SUN1: variants seen among roughly 807,000 people sequenced by gnomAD.
The protein encoded by SUN1 is SUN domain-containing protein 1.
SUN1 carries 61 observed loss-of-function variants against 103.2 expected under a neutral mutation model. The ratio of observed to expected loss-of-function variants is 0.59; its 90% CI spans 0.48 to 0.73. The LOEUF is 0.73. SUN1 is among the 30% of genes least tolerant of loss of function. The pLI, the probability that SUN1 is intolerant of heterozygous loss-of-function variation, is 0.00. For missense variants in SUN1, 1,052 were observed against 1,034.6 expected, an observed-to-expected ratio of 1.02 and a Z score of -0.23; for synonymous variants, 490 against 425.7, an observed-to-expected ratio of 1.15 and a Z score of -1.86.
At position 832,544 on chromosome 7, in the gene SUN1, A is replaced by T; in HGVS notation, c.20A>T (p.His7Leu). The change falls in exon 1 of 19, where the codon CAC becomes CTC. Residue 7 changes from histidine (H) to leucine (L), a missense_variant. His to Leu is a moderately conservative substitution (Grantham distance 99). Around this residue, in one of 2 missense-constraint regions of SUN1, gnomAD observed 846 missense variants for 774.5 expected, o/e 1.09. Transcript: ENST00000401592. MDFSRL[H>L]MYSPPQCVPE... The stretch of plus-strand genomic sequence containing the variant: ...GTGAACATGGATTTTTCTCGGCTTC[A>T]CATGTACAGTCCTCCCCAGTGTGTG... The T allele has an allele frequency of 6.2e-7, 1 of 1,613,480 alleles. No homozygotes were observed. The highest frequency in any genetic ancestry group is 8.5e-7 in the Non-Finnish European group (1 of 1,179,692).
At chr7:843,156 A>G in intron 3 of SUN1, 50 bp from the exon 4 acceptor site, 1 of 1,594,734 alleles carries the variant, frequency 6.3e-7, no homozygotes. Flanking sequence ...TTATTTGATA[A>G]GCTGAGCTCA....
upstream of SUN1, chr7:830,943 G>C (rs570234105): frequency 3.3e-5 from 33 of 985,416 alleles, no homozygotes; most frequent in Non-Finnish European, 4.0e-5. Flanking sequence ...GCAGGCCTGC[G>C]CACCTCAGGA....
At chr7:844,913 G>A (rs139293634) in intron 5 of SUN1, among the ~76,000 whole-genome samples, 3 of 152,252 alleles carry the variant, frequency 2.0e-5, no homozygotes, top group South Asian at 2.1e-4. Context: ...CCAGGGCCCC[G>A]GGGGTGCTGC....
chr7:841,027 A>G (rs1291725193), intron 2 of SUN1, among the ~76,000 whole-genome samples: 1 of 144,006 alleles, frequency 6.9e-6, no homozygotes, highest in Non-Finnish European at 1.5e-5. Flanking sequence ...TCTGCCTTCC[A>G]GGTTCAAGCG....
At chr7:832,284 A>G (rs561018800), upstream of SUN1, among the ~76,000 whole-genome samples, 3 of 152,264 alleles carry the variant, frequency 2.0e-5, no homozygotes, top group Non-Finnish European at 2.9e-5. Flanking sequence ...TTCTCAGGAT[A>G]TATGAGGGGA....
In SUN1 at chr7:819,709, C is replaced by CTTT. The variant is rs60712364; in HGVS notation, c.-74+3051_-74+3053dup. Among the ~76,000 whole-genome samples the CTTT allele has an allele frequency of 3.5e-3, 453 of 130,558 alleles. 10 individuals are homozygous for CTTT. Among genetic ancestry groups the CTTT allele is most frequent in the African/African-American group, 8.6e-3 (297 of 34,442 alleles). 85.7% of individuals were successfully genotyped at this position (130,558 alleles called of 152,430 possible). A position where few individuals can be genotyped will look rare whatever the true frequency, so the allele number is the denominator to read the frequency against. On this transcript the variant is annotated intron_variant, in intron 1 of 17. Transcript: ENST00000389574. ...TGTATGTTTTTATGCCAATGCCACC[C>CTTT]TTTTTTTTTTTTTTTTTGAGATGGA...
chr7:831,008 C>T, upstream of SUN1: 1 of 985,466 alleles, frequency 1.0e-6, no homozygotes, highest in African/African-American at 1.7e-5. Context: ...AGGCCAAGGC[C>T]CTGTCCTGTG....
In SUN1 at chr7:853,099, C is replaced by G. The variant is rs1823803611; in HGVS notation, c.1053+147C>G. On this transcript the variant is annotated intron_variant, in intron 9 of 18. Transcript: ENST00000401592. ...TCAGATAAGCAAGTCTTTGGAGCTC[C>G]TTAAGTGTTCTAGGATAGTTCAAAT... The G allele has an allele frequency of 8.3e-6, 9 of 1,086,862 alleles. No individual in the cohort carries two copies. The East Asian group carries it at 2.3e-4, about 28-fold the overall frequency. The allele number at this position is 1,086,862 out of a possible 1,614,324, so 67.3% of individuals were successfully genotyped here.
chr7:835,099 T>G (rs1801735841), intron 1 of SUN1, among the ~76,000 whole-genome samples: 1 of 152,184 alleles, frequency 6.6e-6, no homozygotes, highest in Non-Finnish European at 1.5e-5. Context: ...AATAAAATTT[T>G]TTTTCTCTTT....
At position 838,899 on chromosome 7, in the gene SUN1, C is replaced by T. The variant is rs112200342; in HGVS notation, c.179C>T (p.Thr60Met). ...RMSRRSLRLA[T>M]TACTLGDGEA... ...TCCCGCCGTAGTTTGCGCCTGGCCA[C>T]GACAGCATGCACCCTGGGGGATGGT... The change falls in exon 2 of 19, where the codon ACG becomes ATG. Residue 60 changes from threonine (T) to methionine (M), a missense_variant. Around this residue, in one of 2 missense-constraint regions of SUN1, gnomAD observed 846 missense variants for 774.5 expected, o/e 1.09. Coordinates refer to ENST00000401592, the MANE Select transcript of SUN1 (RefSeq NM_001130965.3). 158 of 1,610,640 alleles carry T rather than the reference C, an allele frequency of 9.8e-5. No homozygotes were observed. The African/African-American group carries it at 1.2e-3, about 12-fold the overall frequency.
At chr7:824,033 GTCTT>G (rs1391504400) in intron 1 of SUN1, among the ~76,000 whole-genome samples, 2 of 152,234 alleles carry the variant, frequency 1.3e-5, no homozygotes, top group East Asian at 1.9e-4. Context: ...CTTAGGGAAA[GTCTT>G]TCTAAGAAGT....
chr7:850,341 G>C, intron 5 of SUN1: 1 of 339,368 alleles, frequency 2.9e-6, no homozygotes, highest in South Asian at 3.2e-5. Context: ...TGGGACTACA[G>C]GCGCACACCA....
chr7:853,646 A>T (rs780818883), intron 10 of SUN1, 28 bp downstream of exon 10: 14 of 1,594,960 alleles, frequency 8.8e-6, no homozygotes, highest in Non-Finnish European at 1.2e-5. Flanking sequence ...ACCAGGCTCC[A>T]TGGTGACACC....
At chr7:854,323 C>G (rs1825113041) in intron 10 of SUN1, among the ~76,000 whole-genome samples, 2 of 152,232 alleles carry the variant, frequency 1.3e-5, no homozygotes, top group Admixed American at 1.3e-4. Context: ...ACGCTCAGCC[C>G]CCGAGCCTCT....
intron 16 of SUN1, 145 bp from the exon 17 acceptor site, chr7:869,204 C>A: frequency 2.0e-6 from 2 of 1,009,436 alleles, no homozygotes; most frequent in Non-Finnish European, 2.9e-6. Context: ...ATGCCTTTCC[C>A]AGCTTATCTT....
At chr7:851,264 C>G (rs1821840772) in intron 5 of SUN1, 120 bp from the exon 6 acceptor site, 7 of 778,594 alleles carry the variant, frequency 9.0e-6, no homozygotes, top group Admixed American at 7.2e-5. Context: ...TTTGAGGAGA[C>G]TCTTGACCCA....
chr7:838,878 G>A lies in SUN1; in HGVS notation c.158G>A (p.Arg53His), dbSNP rs1404378845. Residue 53 changes from arginine to histidine, a missense_variant, in exon 2 of 19, where the codon CGC becomes CAC. Physicochemically the swap from Arg to His is conservative, Grantham distance 29. Around this residue, in one of 2 missense-constraint regions of SUN1, gnomAD observed 846 missense variants for 774.5 expected, o/e 1.09. Transcript: ENST00000401592. ...DPVFDSPRMSRRSLRLATTAC... is the reference protein window; with the variant it reads ...DPVFDSPRMSHRSLRLATTAC... ...GTATTTGATTCTCCACGGATGTCCC[G>A]CCGTAGTTTGCGCCTGGCCACGACA... 5.0e-6 allele frequency: 8 copies of A among 1,605,464 alleles called. No individual in the cohort carries two copies. The highest frequency in any genetic ancestry group is 1.7e-5 in the Admixed American group (1 of 58,664).
intron 15 of SUN1, among the ~76,000 whole-genome samples, chr7:862,543 T>A (rs912481063): frequency 2.6e-5 from 4 of 152,128 alleles, no homozygotes; most frequent in African/African-American, 4.8e-5. Context: ...CTTTTTAGAA[T>A]ATTAAGTGCT....
Position 843,077 on chromosome 7 carries a change from C to T in SUN1, c.452-129C>T, listed in dbSNP as rs908271319. 12 of 1,337,294 alleles carry T rather than the reference C, an allele frequency of 9.0e-6. No individual in the cohort carries two copies. In the Admixed American group the frequency reaches 2.1e-4, roughly 24 times the overall value. 82.8% of individuals were successfully genotyped at this position (1,337,294 alleles called of 1,614,324 possible). The stretch of plus-strand genomic sequence containing the variant: ...ATCTGGAGGCATTTTAGGAAATAAA[C>T]TGTGACCAGTGCCATAATGCTGATT... On this transcript the variant is annotated intron_variant, in intron 3 of 18. Coordinates refer to ENST00000401592, the MANE Select transcript of SUN1 (RefSeq NM_001130965.3).
Sources: gnomAD v4.1 joint callset for allele counts (sites outside exome capture counted in the v4.1 genomes callset) on GRCh38, gnomAD v4.1.1 for gene constraint, gnomAD v4.1.1 regional missense constraint, MANE v1.5 for transcripts, NCBI Gene and HGNC (gene_info 2026-07-23, HGNC 2026-07-21) for gene names.